The following SH2D5 variants were observed in gnomAD, a reference collection of about 807,000 sequenced individuals.
SH2D5 encodes SH2 domain containing 5, also known as SH2 domain-containing protein 5.
A neutral mutation model predicts 48.2 loss-of-function variants in SH2D5; 45 were observed. That is an observed-to-expected ratio of 0.93 (90% CI 0.73 to 1.20). The LOEUF (loss-of-function observed/expected upper bound fraction) is 1.20. Among genes scored for constraint, SH2D5 ranks in the 50% most tolerant of loss-of-function variants. SH2D5 has a pLI of 0.00. For missense variants in SH2D5, 538 were observed against 584.1 expected, an observed-to-expected ratio of 0.92 and a Z score of 0.81; for synonymous variants, 230 against 249.8, an observed-to-expected ratio of 0.92 and a Z score of 0.75.
chr1:20,731,833 G>A lies in SH2D5; in HGVS notation c.-43+348C>T, dbSNP rs538578508. ...GGCCAGGGGCCCCGGCAGAGTCCCC[G>A]GACCCAGGAGCGTGCTGGGCTCCGC... On this transcript the variant is annotated intron_variant, in intron 1 of 9. Transcript: ENST00000444387. Among the ~76,000 whole-genome samples the A allele has an allele frequency of 1.2e-4, 18 of 152,152 alleles. No individual in the cohort carries two copies. The South Asian group carries it at 3.5e-3, about 30-fold the overall frequency.
At chr1:20,727,642 C>T in intron 2 of SH2D5, 39 bp from the exon 3 acceptor site, 1 of 1,553,616 alleles carries the variant, frequency 6.4e-7, no homozygotes, top group South Asian at 1.2e-5. Flanking sequence ...GGCGGGGAGT[C>T]AGGCCCGTGG....
intron 3 of SH2D5, 111 bp from the exon 4 acceptor site, chr1:20,727,186 G>T (rs573757512): frequency 2.2e-6 from 2 of 909,562 alleles, no homozygotes; most frequent in Admixed American, 2.7e-5. Flanking sequence ...ACCACCCCTG[G>T]CAGGGGGTGG....
chr1:20,725,221 C>T (rs2054771881), intron 5 of SH2D5, among the ~76,000 whole-genome samples: 1 of 152,254 alleles, frequency 6.6e-6, no homozygotes, highest in South Asian at 2.1e-4. Context: ...CGAGTTAGAA[C>T]CGTGAGCGTC....
At position 20,721,544 on chromosome 1, in the gene SH2D5, G is replaced by C. The variant is rs1041132061; in HGVS notation, c.*248C>G. ...GCAGGTCATCCGAAGCCACCCAAAG[G>C]GTTATCCGAAGCCTGCAACTCCACC... On this transcript the variant is annotated 3_prime_UTR_variant, in exon 10 of 10. Transcript: ENST00000444387. 6.5e-6 allele frequency: 3 copies of C among 463,964 alleles called. No individual in the cohort carries two copies. The highest frequency in any genetic ancestry group is 1.1e-5 in the Non-Finnish European group (3 of 263,914). The allele number at this position is 463,964 out of a possible 1,614,324, so 28.7% of individuals were successfully genotyped here.
At position 20,729,103 on chromosome 1, in the gene SH2D5, A is replaced by T. The variant is rs1370644729; in HGVS notation, c.-42-1017T>A. Among the ~76,000 whole-genome samples the T allele has an allele frequency of 2.0e-5, 3 of 151,874 alleles. No individual in the cohort carries two copies. The highest frequency in any genetic ancestry group is 4.4e-5 in the Non-Finnish European group (3 of 67,966). On this transcript the variant is annotated intron_variant, in intron 1 of 9. Transcript: ENST00000444387. This position sits in a 1 kb window ranked among gnomAD's most constrained non-coding sequence, Gnocchi z 4.2. ...ATCCAGTCGTGGAAGAGAGGAGTGG[A>T]CCCCCCTTAGGTGACTGTCCTCAAG... is the stretch of plus-strand genomic sequence containing the variant.
chr1:20,725,188 CCA>C (rs2054771355), intron 5 of SH2D5, among the ~76,000 whole-genome samples: 1 of 152,228 alleles, frequency 6.6e-6, no homozygotes, highest in Non-Finnish European at 1.5e-5. Flanking sequence ...ATCCCAACCG[CCA>C]CACACACCAT....
intron 7 of SH2D5, 132 bp downstream of exon 7, chr1:20,723,951 T>A: frequency 8.3e-7 from 1 of 1,206,120 alleles, no homozygotes; most frequent in Non-Finnish European, 1.2e-6. Context: ...ACACACACAG[T>A]GCACAGGCAT....
chr1:20,726,584 G>A (rs1212860648), intron 4 of SH2D5, among the ~76,000 whole-genome samples: 1 of 152,116 alleles, frequency 6.6e-6, no homozygotes, highest in Non-Finnish European at 1.5e-5. Context: ...ATCAGTGTCC[G>A]CCCCACGCTG....
chr1:20,723,584 C>A (rs764819357), intron 8 of SH2D5, 42 bp downstream of exon 8: 34 of 1,497,262 alleles, frequency 2.3e-5, no homozygotes, highest in Non-Finnish European at 3.1e-5. Flanking sequence ...TCTCTGCCCA[C>A]CCCAAGGGAC....
intron 8 of SH2D5, 77 bp from the exon 9 acceptor site, chr1:20,722,992 A>C: frequency 7.4e-7 from 1 of 1,348,476 alleles, no homozygotes; most frequent in Non-Finnish European, 9.7e-7. Flanking sequence ...AGCAGCATCG[A>C]GGCAGCCTGC....
rs201881344 is a variant in SH2D5, at chr1:20,721,855, C to A, written c.1209G>T (p.Pro403=). The A allele has an allele frequency of 6.2e-7, 1 of 1,611,912 alleles. No homozygotes were observed. Among genetic ancestry groups the A allele is most frequent in the South Asian group, 1.1e-5 (1 of 90,864 alleles). The part of the protein sequence containing the change: ...EEQDCGPPGR[P]PRTLRPLSHA... ...GGCTGAGGGGCCGGAGAGTCCGGGG[C>A]GGCCTGCCTGGGGGCCCACAGTCCT... is the stretch of plus-strand genomic sequence containing the variant. Residue 403 remains proline (P), a synonymous_variant, in exon 10 of 10, where the codon CCG becomes CCT. Coordinates refer to ENST00000444387, the MANE Select transcript of SH2D5 (RefSeq NM_001103161.2).
chr1:20,724,940 T>C (rs1009353528), intron 5 of SH2D5, among the ~76,000 whole-genome samples: 3 of 152,204 alleles, frequency 2.0e-5, no homozygotes, highest in Non-Finnish European at 4.4e-5. Flanking sequence ...AGCCCCACCC[T>C]GCATGCCACA....
intron 9 of SH2D5, 110 bp downstream of exon 9, chr1:20,722,646 G>T: frequency 8.6e-7 from 1 of 1,156,430 alleles, no homozygotes; most frequent in Non-Finnish European, 1.2e-6. Context: ...CAGGGATGGG[G>T]GTGAGGCACA....
In SH2D5 at chr1:20,727,576, G is replaced by C. The variant is rs2054826070; in HGVS notation, c.115C>G (p.Leu39Val). 2 of 1,610,542 alleles carry C rather than the reference G, an allele frequency of 1.2e-6. No homozygotes were observed. The highest frequency in any genetic ancestry group is 1.7e-5 in the Admixed American group (1 of 59,636). ...QYVGSFPVDDLDTQESVWLVQ... is the reference protein window; with the variant it reads ...QYVGSFPVDDVDTQESVWLVQ... ...AGCCACACGCTCTCCTGGGTGTCCA[G>C]GTCATCCACAGGGAAGGAGCCCACG... The change falls in exon 3 of 10, where the codon CTG becomes GTG. Residue 39 changes from leucine (L) to valine (V), a missense_variant. Coordinates refer to ENST00000444387, the MANE Select transcript of SH2D5 (RefSeq NM_001103161.2).
rs774887940 is a variant in SH2D5, at chr1:20,725,906, C to G, written c.390+14G>C. 1 of 1,612,276 alleles carries G rather than the reference C, an allele frequency of 6.2e-7. No homozygotes were observed. The highest frequency in any genetic ancestry group is 1.7e-5 in the Admixed American group (1 of 59,966). ...CGGCCTCCGTGGCGGTCCCCTGCCT[C>G]AAGCCCCAGATACCTCTCCTGGCTG... On this transcript the variant is annotated intron_variant, in intron 5 of 9. Transcript: ENST00000444387.
At chr1:20,725,016 T>C (rs2054768275) in intron 5 of SH2D5, among the ~76,000 whole-genome samples, 3 of 152,228 alleles carry the variant, frequency 2.0e-5, no homozygotes, top group Admixed American at 2.0e-4. Flanking sequence ...GTTCCAATCC[T>C]GGCTCTGTCA....
intron 8 of SH2D5, 133 bp downstream of exon 8, chr1:20,723,493 C>A (rs1056449005): frequency 3.0e-6 from 2 of 657,240 alleles, no homozygotes; most frequent in East Asian, 5.5e-5. Flanking sequence ...TGGTGAAGTC[C>A]CAGGCCTGAG....
chr1:20,724,499 C>T lies in SH2D5; in HGVS notation c.527G>A (p.Gly176Glu). 1 of 1,612,710 alleles carries T rather than the reference C, an allele frequency of 6.2e-7. No homozygotes were observed. Among genetic ancestry groups the T allele is most frequent in the Middle Eastern group, 1.6e-4 (1 of 6,062 alleles). ...EVPLKPLSSS[G>E]GLVREPFGRD... ...GCCGAAGGGCTCCCGCACCAGGCCC[C>T]CAGAGCTGGACAGTGGCTTCAGGGG... Residue 176 changes from glycine (G) to glutamate (E), a missense_variant, in exon 6 of 10, where the codon GGG (glycine) becomes GAG (glutamate). Coordinates refer to ENST00000444387, the MANE Select transcript of SH2D5 (RefSeq NM_001103161.2).
rs1570499452 is a variant in SH2D5 at position 20,721,507 on chromosome 1, C to T, written c.*285G>A. ...AGAAGCCCAGAAGTCCCAAAGCATC[C>T]GAAGCCACACAGCAGGTCATCCGAA... is the stretch of plus-strand genomic sequence containing the variant. On this transcript the variant is annotated 3_prime_UTR_variant, in exon 10 of 10. Coordinates refer to ENST00000444387, the MANE Select transcript of SH2D5 (RefSeq NM_001103161.2). 7 of 384,736 alleles carry T rather than the reference C, an allele frequency of 1.8e-5. No individual in the cohort carries two copies. The highest frequency in any genetic ancestry group is 3.2e-5 in the Non-Finnish European group (7 of 216,508). The allele number at this position is 384,736 out of a possible 1,614,324, so 23.8% of individuals were successfully genotyped here.
Sources: gnomAD v4.1 joint callset for allele counts (sites outside exome capture counted in the v4.1 genomes callset) on GRCh38, gnomAD v4.1.1 for gene constraint, Gnocchi (gnomAD v3.1) non-coding constraint, MANE v1.5 for transcripts, NCBI Gene and HGNC (gene_info 2026-07-23, HGNC 2026-07-21) for gene names.